TYW1: variants seen among roughly 807,000 people sequenced by gnomAD.
TYW1 encodes the protein S-adenosyl-L-methionine-dependent tRNA 4-demethylwyosine synthase TYW1.
In TYW1, 46 loss-of-function variants were observed where a neutral mutation model predicts 96.2. The ratio of observed to expected loss-of-function variants is 0.48; its 90% CI spans 0.38 to 0.61. TYW1 has a LOEUF of 0.61. TYW1 is among the 20% of genes least tolerant of loss of function. TYW1 has a pLI of 0.00. For missense variants in TYW1, 684 were observed against 909.6 expected (o/e 0.75, Z 3.19); for synonymous variants, 274 against 323.0 (o/e 0.85, Z 1.63).
chr7:67,235,893 C>CAAA (rs548873963), intron 15 of TYW1, among the ~76,000 whole-genome samples: 11,683 of 69,136 alleles, frequency 0.17, 820 homozygotes, highest in South Asian at 0.2. Context: ...GACTCTGTCT[C>CAAA]AAAAAAAAAA....
intron 14 of TYW1, among the ~76,000 whole-genome samples, chr7:67,187,052 A>ATTTTT (rs750086247): frequency 2.0e-5 from 2 of 100,900 alleles, no homozygotes; most frequent in African/African-American, 3.5e-5. Context: ...CCACAATTAA[A>ATTTTT]TTTTTTTTTT....
chr7:67,076,304 T>C (rs755093825), intron 10 of TYW1, among the ~76,000 whole-genome samples: 3 of 152,160 alleles, frequency 2.0e-5, no homozygotes, highest in Non-Finnish European at 4.4e-5. Context: ...TGCTGGCGAG[T>C]GTACCCTTTC....
chr7:67,002,523 T>A (rs776875197), intron 3 of TYW1, among the ~76,000 whole-genome samples: 8 of 152,352 alleles, frequency 5.3e-5, no homozygotes, highest in Non-Finnish European at 8.8e-5. Flanking sequence ...AGAAAGCGAA[T>A]TTGTAGATGA....
chr7:67,177,167 A>G (rs189948000), intron 13 of TYW1, among the ~76,000 whole-genome samples: 14,743 of 152,202 alleles, frequency 0.097, 809 homozygotes, highest in Middle Eastern at 0.14. Flanking sequence ...TGGACTATCC[A>G]TATGTTAAAT....
intron 8 of TYW1, among the ~76,000 whole-genome samples, chr7:67,051,292 A>G (rs1245965641): frequency 1.3e-5 from 2 of 151,982 alleles, no homozygotes; most frequent in African/African-American, 4.8e-5. Context: ...TGTAATTTTT[A>G]TCACACATTT....
At chr7:67,165,517 A>G (rs557159992) in intron 13 of TYW1, among the ~76,000 whole-genome samples, 2 of 151,778 alleles carry the variant, frequency 1.3e-5, no homozygotes, top group South Asian at 2.1e-4. Context: ...AGCATTCTAC[A>G]GTTCTGATTT....
At chr7:67,151,687 G>T (rs1421320557) in intron 13 of TYW1, among the ~76,000 whole-genome samples, 1 of 152,218 alleles carries the variant, frequency 6.6e-6, no homozygotes, top group East Asian at 1.9e-4. Flanking sequence ...TTTCTCAACA[G>T]AAATGGTAGT....
At chr7:67,163,664 G>A (rs1334659324) in intron 13 of TYW1, among the ~76,000 whole-genome samples, 1 of 145,190 alleles carries the variant, frequency 6.9e-6, no homozygotes, top group Admixed American at 7.0e-5. Flanking sequence ...CTTTAAGCAG[G>A]AGAATTTTTT....
intron 15 of TYW1, among the ~76,000 whole-genome samples, chr7:67,206,785 G>T (rs1482353128): frequency 1.3e-5 from 2 of 152,078 alleles, no homozygotes; most frequent in African/African-American, 2.4e-5. Context: ...ACCGAGGGCA[G>T]ATATCAACTA....
chr7:67,208,192 G>A (rs1464779660), intron 15 of TYW1, among the ~76,000 whole-genome samples: 2 of 151,996 alleles, frequency 1.3e-5, no homozygotes, highest in South Asian at 2.1e-4. Context: ...GGTGGCGTGT[G>A]CCCATGTAGT....
At position 67,158,080 on chromosome 7, in the gene TYW1, G is replaced by A. The variant is rs563862530; in HGVS notation, c.1699-25046G>A. On this transcript the variant is annotated intron_variant, in intron 13 of 15. Transcript: ENST00000359626. Reference sequence around the variant, plus strand: ...TTCCTCTTAATTCCTTGTTTGCTGAGGATTTTTTTTTTTTTTTTTTTTTTT... The same window carrying A: ...TTCCTCTTAATTCCTTGTTTGCTGAAGATTTTTTTTTTTTTTTTTTTTTTT... Among the ~76,000 whole-genome samples, 372 of 141,036 alleles carry A rather than the reference G, an allele frequency of 2.6e-3. 2 individuals carry two copies. Among genetic ancestry groups the A allele is most frequent in the African/African-American group, 9.4e-3 (358 of 38,074 alleles). 92.5% of individuals were successfully genotyped at this position (141,036 alleles called of 152,430 possible). A position where few individuals can be genotyped will look rare whatever the true frequency, so the allele number is the denominator to read the frequency against.
intron 13 of TYW1, among the ~76,000 whole-genome samples, chr7:67,140,417 A>G (rs944731562): frequency 6.6e-6 from 1 of 152,230 alleles, no homozygotes; most frequent in African/African-American, 2.4e-5. Context: ...AAAGAAATTA[A>G]AGTTAATAAA....
chr7:67,034,113 T>A (rs993448356), intron 7 of TYW1, among the ~76,000 whole-genome samples: 6 of 151,290 alleles, frequency 4.0e-5, no homozygotes, highest in Admixed American at 6.6e-5. Flanking sequence ...TATTTTATTT[T>A]TTTTTTTTGA....
intron 12 of TYW1, among the ~76,000 whole-genome samples, chr7:67,111,183 A>T (rs1182834876): frequency 1.3e-5 from 2 of 152,084 alleles, no homozygotes; most frequent in Non-Finnish European, 2.9e-5. Context: ...GTGTTCAAAG[A>T]ACTACAGGAA....
intron 7 of TYW1, among the ~76,000 whole-genome samples, chr7:67,046,206 G>A (rs575140312): frequency 4.6e-5 from 7 of 152,116 alleles, no homozygotes; most frequent in Non-Finnish European, 7.3e-5. Flanking sequence ...TCTGATTGGC[G>A]CATGCCCTGA....
chr7:67,052,802 G>A (rs1047565579), intron 8 of TYW1, among the ~76,000 whole-genome samples: 1 of 152,078 alleles, frequency 6.6e-6, no homozygotes, highest in Non-Finnish European at 1.5e-5. Context: ...CGTGATCTTG[G>A]CTCACTGCAA....
intron 15 of TYW1, among the ~76,000 whole-genome samples, chr7:67,229,104 C>T (rs1801660992): frequency 6.6e-6 from 1 of 152,188 alleles, no homozygotes; most frequent in Admixed American, 6.5e-5. Flanking sequence ...TAGAGGTCTG[C>T]ATAAAAAGCT....
chr7:67,119,220 T>TA, intron 13 of TYW1, among the ~76,000 whole-genome samples: 1 of 152,110 alleles, frequency 6.6e-6, no homozygotes. Context: ...CCCAGGAGCT[T>TA]AAAAAAATGA....
At chr7:67,236,729 T>C (rs547881857) in intron 15 of TYW1, among the ~76,000 whole-genome samples, 30 of 152,284 alleles carry the variant, frequency 2.0e-4, no homozygotes, top group African/African-American at 6.7e-4. Context: ...TTCAGCATTT[T>C]CCCCCTAGAA....
Sources: gnomAD v4.1 joint callset for allele counts (sites outside exome capture counted in the v4.1 genomes callset) on GRCh38, gnomAD v4.1.1 for gene constraint, MANE v1.5 for transcripts, NCBI Gene and HGNC (gene_info 2026-07-23, HGNC 2026-07-21) for gene names.